Variants in GCM2 observed in about 807,000 individuals in gnomAD.
GCM2 encodes the protein chorion-specific transcription factor GCMb.
In GCM2, 21 loss-of-function variants were observed where a neutral mutation model predicts 24.8. That is an observed-to-expected ratio of 0.85 (90% CI 0.60 to 1.22). The LOEUF (loss-of-function observed/expected upper bound fraction) is 1.22, where lower values mean the gene tolerates loss of function less well. GCM2 is among the 50% of genes most tolerant of loss of function. The probability of loss-of-function intolerance (pLI) is 0.00; values close to 1 mark genes in which losing one functional copy is unlikely to be tolerated. For missense variants in GCM2, 532 were observed against 645.6 expected (o/e 0.82, Z 1.91); for synonymous variants, 222 against 238.0 (o/e 0.93, Z 0.62).
At chr6:10,879,748 C>T (rs1779932766) in intron 1 of GCM2, among the ~76,000 whole-genome samples, 1 of 152,116 alleles carries the variant, frequency 6.6e-6, no homozygotes, top group South Asian at 2.1e-4. Context: ...AACCAGTCTC[C>T]TAAAAAAAAG....
At position 10,874,853 on chromosome 6, in the gene GCM2, A is replaced by C; in HGVS notation, c.663T>G (p.Thr221=). ...LENPEDFDIV[T]ETSFPIPGQP... is the part of the protein sequence containing the mutation. ...GCCCTGGAATAGGGAAGCTGGTTTC[A>C]GTAACTATATCAAAGTCTTCTGGAT... The change falls in exon 5 of 5, where the codon ACT becomes ACG. Residue 221 remains threonine, a synonymous_variant. Coordinates refer to ENST00000379491, the MANE Select transcript of GCM2 (RefSeq NM_004752.4). 3.1e-6 allele frequency: 5 copies of C among 1,613,998 alleles called. No homozygotes were observed. Among genetic ancestry groups the C allele is most frequent in the Non-Finnish European group, 4.2e-6 (5 of 1,179,864 alleles).
intron 3 of GCM2, 63 bp from the exon 4 acceptor site, chr6:10,876,079 A>C (rs986448631): frequency 5.3e-5 from 83 of 1,557,832 alleles, no homozygotes; most frequent in Non-Finnish European, 7.3e-5. Flanking sequence ...AATGTTGCCC[A>C]AAAATTGATC....
chr6:10,876,617 G>A (rs868116066), intron 2 of GCM2, 60 bp from the exon 3 acceptor site: 3 of 1,174,166 alleles, frequency 2.6e-6, no homozygotes, highest in Admixed American at 1.7e-5. Context: ...GAAGGAAGAA[G>A]GGGAAAATTA....
chr6:10,875,769 T>C, intron 4 of GCM2, 122 bp downstream of exon 4: 1 of 988,666 alleles, frequency 1.0e-6, no homozygotes, highest in Non-Finnish European at 1.6e-6. Flanking sequence ...TACAGACGTA[T>C]AATTTTCAGA....
chr6:10,881,920 G>T lies in GCM2; in HGVS notation c.-127C>A. ...GTGGGGTGTGTGAAGGGGAGGTGCA[G>T]AGAGAGAGAAAGAGAGAGAGGCTGT... On this transcript the variant is annotated 5_prime_UTR_variant, in exon 1 of 5. In the 5' UTR this introduces an upstream ATG that the reference lacks. Coordinates refer to ENST00000379491, the MANE Select transcript of GCM2 (RefSeq NM_004752.4). The T allele has an allele frequency of 1.4e-6, 1 of 715,630 alleles. No homozygotes were observed. The highest frequency in any genetic ancestry group is 2.4e-6 in the Non-Finnish European group (1 of 410,742). The allele number at this position is 715,630 out of a possible 1,614,324, so 44.3% of individuals were successfully genotyped here.
intron 2 of GCM2, 139 bp from the exon 3 acceptor site, chr6:10,876,696 G>A (rs1256195095): frequency 1.6e-5 from 11 of 689,510 alleles, no homozygotes; most frequent in South Asian, 1.2e-4. Flanking sequence ...TTGGGAGGCC[G>A]AGGCGGGTGG....
chr6:10,880,124 G>T (rs942731162), intron 1 of GCM2, among the ~76,000 whole-genome samples: 7 of 152,048 alleles, frequency 4.6e-5, no homozygotes, highest in African/African-American at 1.2e-4. Context: ...GCGTGGTGGC[G>T]CATGCTTGTA....
chr6:10,878,834 T>C (rs895110424), intron 1 of GCM2, among the ~76,000 whole-genome samples: 1 of 152,230 alleles, frequency 6.6e-6, no homozygotes, highest in Non-Finnish European at 1.5e-5. Flanking sequence ...AGCTGGAATA[T>C]AAACAGAAGA....
chr6:10,877,571 T>C lies in GCM2; in HGVS notation c.91-179A>G, dbSNP rs548055732. 3.5e-4 allele frequency among the ~76,000 whole-genome samples: 54 copies of C among 152,374 alleles called. No individual in the cohort carries two copies. The South Asian group carries it at 0.011, about 30-fold the overall frequency. On this transcript the variant is annotated intron_variant, in intron 1 of 4. Coordinates refer to ENST00000379491, the MANE Select transcript of GCM2 (RefSeq NM_004752.4). Reference sequence around the variant, plus strand: ...TTCCTGACAACCAGGTAATAATTAATGTTTATATAGTGCTTATCTGTTAAA... The same window carrying C: ...TTCCTGACAACCAGGTAATAATTAACGTTTATATAGTGCTTATCTGTTAAA...
Position 10,874,709 on chromosome 6 carries a change from A to C in GCM2, c.807T>G (p.Pro269=). The change falls in exon 5 of 5, where the codon CCT becomes CCG. Residue 269 remains proline (P), a synonymous_variant. Coordinates refer to ENST00000379491, the MANE Select transcript of GCM2 (RefSeq NM_004752.4). ...CCAATTCATAGCTGCAAGGTGGCCT[A>C]GGCAAATAGATTCTTGGGCTTGAGT... ...QKYSSPRIYL[P]RPPCSYELAN... 1 of 1,614,140 alleles carries C rather than the reference A, an allele frequency of 6.2e-7. No individual in the cohort carries two copies. Among genetic ancestry groups the C allele is most frequent in the Non-Finnish European group, 8.5e-7 (1 of 1,179,984 alleles).
intron 1 of GCM2, among the ~76,000 whole-genome samples, chr6:10,881,454 G>A (rs1779955986): frequency 6.6e-6 from 1 of 151,990 alleles, no homozygotes; most frequent in African/African-American, 2.4e-5. Flanking sequence ...CACAGCGCCC[G>A]GCCAAGAAGA....
chr6:10,881,176 G>T (rs892593700), intron 1 of GCM2, among the ~76,000 whole-genome samples: 1 of 149,826 alleles, frequency 6.7e-6, no homozygotes, highest in Non-Finnish European at 1.5e-5. Context: ...TTCTTTTTTT[G>T]AGATGGAGTT....
rs150748948 is a variant in GCM2 at position 10,881,769 on chromosome 6, C to T, written c.25G>A (p.Ala9Thr). The part of the protein sequence containing the change: MPAAAVQE[A>T]VGVCSYGMQL... ...ATCCCGTAGGAGCACACGCCGACCG[C>T]TTCCTGCACCGCGGCCGCCGGCATC... Residue 9 changes from alanine (A) to threonine (T), a missense_variant, in exon 1 of 5, where the codon GCG becomes ACG. Coordinates refer to ENST00000379491, the MANE Select transcript of GCM2 (RefSeq NM_004752.4). 8 of 1,609,678 alleles carry T rather than the reference C, an allele frequency of 5.0e-6. No homozygotes were observed. Among genetic ancestry groups the T allele is most frequent in the Non-Finnish European group, 2.5e-6 (3 of 1,179,992 alleles).
chr6:10,877,327 G>A lies in GCM2; in HGVS notation c.156C>T (p.Ser52=), dbSNP rs147096473. 7.2e-4 allele frequency: 1,163 copies of A among 1,613,966 alleles called. 1 individual carries two copies. Among genetic ancestry groups the A allele is most frequent in the Non-Finnish European group, 9.0e-4 (1,064 of 1,179,956 alleles). The change falls in exon 2 of 5, where the codon AGC becomes AGT. Residue 52 remains serine (S), a synonymous_variant. Transcript: ENST00000379491. The part of the protein sequence containing the change: ...PDGYVRFIYS[S]DEKKAQRHLS... ...GGTGACGCTGTGCCTTCTTCTCATC[G>A]CTGCTGTAGATGAAGCGCACATAGC...
intron 1 of GCM2, among the ~76,000 whole-genome samples, chr6:10,880,121 G>A (rs1003999693): frequency 6.6e-6 from 1 of 152,142 alleles, no homozygotes; most frequent in African/African-American, 2.4e-5. Context: ...TGGGCGTGGT[G>A]GCGCATGCTT....
intron 1 of GCM2, 34 bp downstream of exon 1, chr6:10,881,670 G>A (rs1016074400): frequency 5.3e-6 from 8 of 1,509,518 alleles, no homozygotes; most frequent in Middle Eastern, 1.7e-4. Flanking sequence ...GATGGACAGC[G>A]CCCCGCGTGC....
intron 1 of GCM2, among the ~76,000 whole-genome samples, chr6:10,880,535 C>CCACCA (rs1465828629): frequency 1.3e-5 from 2 of 152,096 alleles, no homozygotes; most frequent in African/African-American, 4.8e-5. Flanking sequence ...CCCCCCACCC[C>CCACCA]CTACAGCCAG....
intron 1 of GCM2, among the ~76,000 whole-genome samples, chr6:10,878,500 G>A (rs1245536632): frequency 6.6e-6 from 1 of 152,136 alleles, no homozygotes; most frequent in Admixed American, 6.5e-5. Context: ...TGTATTTTTA[G>A]TAGAGATGGG....
chr6:10,873,474 G>A lies in GCM2; in HGVS notation c.*521C>T, dbSNP rs6936637. On this transcript the variant is annotated 3_prime_UTR_variant, in exon 5 of 5. Transcript: ENST00000379491. ...TTTTTGAAAAGCTGTAGATACACAC[G>A]TTGGAGATAAAACAATCAAAATTAC... is the stretch of plus-strand genomic sequence containing the variant. 5.4e-5 allele frequency: 9 copies of A among 165,598 alleles called. No homozygotes were observed. In the East Asian group the frequency reaches 6.6e-4, roughly 12 times the overall value. The allele number at this position is 165,598 out of a possible 1,614,324, so 10.3% of individuals were successfully genotyped here. A position where few individuals can be genotyped will look rare whatever the true frequency, so the allele number is the denominator to read the frequency against.
Sources: gnomAD v4.1 joint callset for allele counts (sites outside exome capture counted in the v4.1 genomes callset) on GRCh38, gnomAD v4.1.1 for gene constraint, MANE v1.5 for transcripts, NCBI Gene and HGNC (gene_info 2026-07-23, HGNC 2026-07-21) for gene names.